Variants in DIO2 observed in about 807,000 individuals in gnomAD.
The protein encoded by DIO2 is type II iodothyronine deiodinase.
DIO2 carries 19 observed loss-of-function variants against 21.4 expected under a neutral mutation model. The ratio of observed to expected loss-of-function variants is 0.89; its 90% CI spans 0.62 to 1.30. DIO2 has a LOEUF of 1.30. Ranked by LOEUF, DIO2 falls within the 50% of genes most tolerant of loss-of-function variation. The pLI is 0.00. For synonymous variants in DIO2, 122 were observed against 132.9 expected (o/e 0.92, Z 0.57); for missense variants, 302 against 338.1 (o/e 0.89, Z 0.84).
At chr14:80,221,691 A>T (rs1182112806) in intron 2 of DIO2, among the ~76,000 whole-genome samples, 1 of 152,108 alleles carries the variant, frequency 6.6e-6, no homozygotes, top group Non-Finnish European at 1.5e-5. Context: ...GGAAGTAATC[A>T]ATACCAAACT....
chr14:80,215,194 C>T (rs773656410), upstream of DIO2, among the ~76,000 whole-genome samples: 11 of 152,162 alleles, frequency 7.2e-5, no homozygotes, highest in Admixed American at 1.3e-4. Flanking sequence ...ATATTCCACA[C>T]GGGTTTTAAA....
rs1887756501 is a variant in DIO2 at position 80,202,205 on chromosome 14, C to T, written c.*484G>A. 2 of 460,922 alleles carry T rather than the reference C, an allele frequency of 4.3e-6. No homozygotes were observed. The highest frequency in any genetic ancestry group is 8.6e-6 in the Non-Finnish European group (2 of 233,458). 28.6% of individuals were successfully genotyped at this position (460,922 alleles called of 1,614,324 possible). A position where few individuals can be genotyped will look rare whatever the true frequency, so the allele number is the denominator to read the frequency against. Reference sequence around the variant, plus strand: ...ACATAAGGTCTAACCTTAACACCAACGTCTAACCACATGGCCTGGGTTCAA... The same window carrying T: ...ACATAAGGTCTAACCTTAACACCAATGTCTAACCACATGGCCTGGGTTCAA... On this transcript the variant is annotated 3_prime_UTR_variant, in exon 2 of 2. Coordinates refer to ENST00000438257, the MANE Select transcript of DIO2 (RefSeq NM_013989.5).
At chr14:80,214,577 C>G (rs1034782827), upstream of DIO2, among the ~76,000 whole-genome samples, 3 of 152,078 alleles carry the variant, frequency 2.0e-5, no homozygotes, top group Non-Finnish European at 4.4e-5. Flanking sequence ...TCTCAGATTT[C>G]TTCAATCATT....
intron 2 of DIO2, among the ~76,000 whole-genome samples, chr14:80,224,367 T>A (rs1888527484): frequency 6.6e-6 from 1 of 152,134 alleles, no homozygotes. Flanking sequence ...AATGTTGTCT[T>A]ATTTGGAAAA....
At position 80,202,617 on chromosome 14, in the gene DIO2, A is replaced by C; in HGVS notation, c.*72T>G. The C allele has an allele frequency of 6.9e-7, 1 of 1,442,888 alleles. No individual in the cohort carries two copies. The highest frequency in any genetic ancestry group is 1.4e-5 in the African/African-American group (1 of 70,114). 89.4% of individuals were successfully genotyped at this position (1,442,888 alleles called of 1,614,324 possible). On this transcript the variant is annotated 3_prime_UTR_variant, in exon 2 of 2. Transcript: ENST00000438257. ...TAAGCCAATAGGGCTCTGTTGAAAT[A>C]TGGATTCAGTTCTTAATTTCCTTGC...
chr14:80,215,306 C>T (rs1303874036), upstream of DIO2, among the ~76,000 whole-genome samples: 2 of 152,186 alleles, frequency 1.3e-5, no homozygotes, highest in African/African-American at 4.8e-5. Context: ...AAAAGAGCAT[C>T]ATGTCCTACT....
intron 1 of DIO2, among the ~76,000 whole-genome samples, chr14:80,203,700 T>A (rs1249952885): frequency 6.6e-6 from 1 of 152,260 alleles, no homozygotes; most frequent in East Asian, 1.9e-4. Context: ...AGACAAATTA[T>A]CAGGGTCTTG....
At chr14:80,229,571 C>T (rs1289791344) in intron 2 of DIO2, among the ~76,000 whole-genome samples, 4 of 152,260 alleles carry the variant, frequency 2.6e-5, no homozygotes, top group Non-Finnish European at 4.4e-5. Context: ...AGTAACTAAT[C>T]CACTCCACCA....
intron 2 of DIO2, among the ~76,000 whole-genome samples, chr14:80,221,793 T>C (rs1450419423): frequency 6.6e-6 from 1 of 152,222 alleles, no homozygotes; most frequent in Non-Finnish European, 1.5e-5. Flanking sequence ...TGTATGACTA[T>C]AAACTTCTTA....
intron 2 of DIO2, among the ~76,000 whole-genome samples, chr14:80,224,740 C>G (rs1341292466): frequency 6.6e-6 from 1 of 152,144 alleles, no homozygotes; most frequent in Non-Finnish European, 1.5e-5. Context: ...CTGTTGAACA[C>G]AAGCTAAATG....
At chr14:80,203,942 A>C (rs1887849231) in intron 1 of DIO2, among the ~76,000 whole-genome samples, 1 of 152,230 alleles carries the variant, frequency 6.6e-6, no homozygotes, top group African/African-American at 2.4e-5. Flanking sequence ...CCTGTCTTCC[A>C]CATATGGCAA....
chr14:80,223,885 T>C (rs1273131453), intron 2 of DIO2, among the ~76,000 whole-genome samples: 2 of 152,220 alleles, frequency 1.3e-5, no homozygotes, highest in Non-Finnish European at 2.9e-5. Context: ...CTTTAATCAC[T>C]TTTGTGACCA....
In DIO2 at chr14:80,202,574, TAA is replaced by T; in HGVS notation, c.*113_*114del. 9.0e-7 allele frequency: 1 copy of T among 1,107,410 alleles called. No homozygotes were observed. The highest frequency in any genetic ancestry group is 1.3e-6 in the Non-Finnish European group (1 of 791,944). The allele number at this position is 1,107,410 out of a possible 1,614,324, so 68.6% of individuals were successfully genotyped here. A position where few individuals can be genotyped will look rare whatever the true frequency, so the allele number is the denominator to read the frequency against. The stretch of plus-strand genomic sequence containing the variant: ...TAGAGATTCATGTTCTTCCGATAGA[TAA>T]ACTCCTGTCTTTCAGTAAGCCAATA... On this transcript the variant is annotated 3_prime_UTR_variant, in exon 2 of 2. Transcript: ENST00000438257.
rs1385766595 is a variant in DIO2 at position 80,198,027 on chromosome 14, A to G, written c.*4662T>C. ...TTCACATCCCCCAATCCTAATACACATAAAAACCACGCTGACCAGTGACAT... is the reference window on the plus strand; with the variant it reads ...TTCACATCCCCCAATCCTAATACACGTAAAAACCACGCTGACCAGTGACAT... On this transcript the variant is annotated 3_prime_UTR_variant, in exon 2 of 2. Coordinates refer to ENST00000438257, the MANE Select transcript of DIO2 (RefSeq NM_013989.5). The G allele has an allele frequency of 3.3e-5, 5 of 152,650 alleles. No homozygotes were observed. Among genetic ancestry groups the G allele is most frequent in the Non-Finnish European group, 7.3e-5 (5 of 68,032 alleles). 9.5% of individuals were successfully genotyped at this position (152,650 alleles called of 1,614,324 possible).
chr14:80,206,109 C>G (rs1211609597), intron 1 of DIO2: 1 of 704,772 alleles, frequency 1.4e-6, no homozygotes, highest in Non-Finnish European at 2.4e-6. Context: ...GCCAGGGTCC[C>G]TTACTGAATG....
chr14:80,208,419 T>G (rs1331631022), intron 1 of DIO2, among the ~76,000 whole-genome samples: 1 of 152,226 alleles, frequency 6.6e-6, no homozygotes, highest in African/African-American at 2.4e-5. Flanking sequence ...CTTTCTTTAT[T>G]TCTGTGTTGC....
rs115748779 is a variant in DIO2 at position 80,225,452 on chromosome 14, T to A, written c.-277-8715A>T. Among the ~76,000 whole-genome samples the A allele has an allele frequency of 2.9e-3, 435 of 152,264 alleles. 2 individuals are homozygous for A. Among genetic ancestry groups the A allele is most frequent in the African/African-American group, 7.8e-3 (322 of 41,536 alleles). ...GATATGAGGTCAATAAATCTTATGC[T>A]CCATGATAAAGGAAAAGGAAATAAA... is the stretch of plus-strand genomic sequence containing the variant. On this transcript the variant is annotated intron_variant, in intron 2 of 4. Coordinates refer to the DIO2 transcript ENST00000553594.
At chr14:80,209,802 A>G (rs547740385) in intron 1 of DIO2, among the ~76,000 whole-genome samples, 1 of 152,364 alleles carries the variant, frequency 6.6e-6, no homozygotes, top group East Asian at 1.9e-4. Flanking sequence ...TCAATAATAA[A>G]GACGTGCATT....
intron 2 of DIO2, among the ~76,000 whole-genome samples, chr14:80,228,177 T>G (rs541826144): frequency 6.6e-6 from 1 of 152,352 alleles, no homozygotes; most frequent in African/African-American, 2.4e-5. Flanking sequence ...AATAAGATTA[T>G]GACACAAAGC....
Sources: allele counts gnomAD v4.1 joint callset (sites outside exome capture counted in the v4.1 genomes callset), GRCh38; gene constraint gnomAD v4.1.1; transcripts MANE v1.5; gene names NCBI Gene and HGNC (gene_info 2026-07-23, HGNC 2026-07-21).